The following DLG2 variants were observed in gnomAD, a reference collection of about 807,000 sequenced individuals.
DLG2 encodes disks large homolog 2.
In DLG2, 45 loss-of-function variants were observed where a neutral mutation model predicts 132.5. The observed-to-expected ratio is 0.34, with a 90% CI of 0.27 to 0.44. DLG2 has a LOEUF of 0.44. Ranked by LOEUF, DLG2 falls within the 20% of genes least tolerant of loss-of-function variation. The pLI, the probability that DLG2 is intolerant of heterozygous loss-of-function variation, is 1.00. For synonymous variants in DLG2, 424 were observed against 419.6 expected, an observed-to-expected ratio of 1.01 and a Z score of -0.13; for missense variants, 1,045 against 1,196.9, an observed-to-expected ratio of 0.87 and a Z score of 1.87.
intron 7 of DLG2, among the ~76,000 whole-genome samples, chr11:84,480,128 C>T (rs1391516368): frequency 6.6e-6 from 1 of 152,066 alleles, no homozygotes; most frequent in African/African-American, 2.4e-5. Flanking sequence ...TTTAAATAGG[C>T]CTTCATTACA....
intron 6 of DLG2, among the ~76,000 whole-genome samples, chr11:85,064,982 A>G (rs538715222): frequency 6.6e-6 from 1 of 151,782 alleles, no homozygotes; most frequent in East Asian, 2.0e-4. Flanking sequence ...CGATATAGGT[A>G]CTTTACATAA....
At chr11:83,559,842 C>T (rs577871776) in intron 19 of DLG2, among the ~76,000 whole-genome samples, 1 of 152,132 alleles carries the variant, frequency 6.6e-6, no homozygotes, top group Non-Finnish European at 1.5e-5. Flanking sequence ...AAGACAAAGA[C>T]CAAACCCTAA....
intron 6 of DLG2, among the ~76,000 whole-genome samples, chr11:84,919,294 A>G (rs1353781475): frequency 6.6e-6 from 1 of 152,194 alleles, no homozygotes; most frequent in Non-Finnish European, 1.5e-5. Flanking sequence ...CCTTTTTCAC[A>G]GATGAGAAAA....
intron 6 of DLG2, among the ~76,000 whole-genome samples, chr11:84,841,622 G>T (rs562379599): frequency 6.6e-6 from 1 of 151,944 alleles, no homozygotes; most frequent in Admixed American, 6.6e-5. Flanking sequence ...ATGAACAAAT[G>T]AATCTCATTT....
At chr11:84,823,809 A>G (rs1308982621) in intron 6 of DLG2, among the ~76,000 whole-genome samples, 1 of 151,864 alleles carries the variant, frequency 6.6e-6, no homozygotes, top group African/African-American at 2.4e-5. Context: ...CTCATAGTAG[A>G]TACTCAATGA....
Position 84,150,166 on chromosome 11 carries a change from C to T in DLG2, c.624+13295G>A, listed in dbSNP as rs564926790. 5.9e-5 allele frequency among the ~76,000 whole-genome samples: 9 copies of T among 152,258 alleles called. No homozygotes were observed. In the South Asian group the frequency reaches 1.0e-3, roughly 18 times the overall value. On this transcript the variant is annotated intron_variant, in intron 9 of 27. Transcript: ENST00000376104. Reference sequence around the variant, plus strand: ...ACTCTGGTCAGTATGGCCATTTCAACGGTATTGATTCTTCCAATCCATGAG... The same window carrying T: ...ACTCTGGTCAGTATGGCCATTTCAATGGTATTGATTCTTCCAATCCATGAG...
At chr11:84,651,843 A>G (rs2099682422) in intron 6 of DLG2, among the ~76,000 whole-genome samples, 1 of 152,210 alleles carries the variant, frequency 6.6e-6, no homozygotes, top group Admixed American at 6.5e-5. Flanking sequence ...GATCCAGTTC[A>G]GCATCAAACT....
chr11:84,192,695 A>G (rs1311452577), intron 8 of DLG2, among the ~76,000 whole-genome samples: 1 of 152,152 alleles, frequency 6.6e-6, no homozygotes, highest in African/African-American at 2.4e-5. Flanking sequence ...GCACCACTGC[A>G]CTCCAGCCTG....
intron 3 of DLG2, among the ~76,000 whole-genome samples, chr11:85,403,208 T>C (rs1321418907): frequency 2.0e-5 from 3 of 152,120 alleles, no homozygotes; most frequent in East Asian, 1.9e-4. Flanking sequence ...TGGATGAAGC[T>C]AGAAATCATC....
intron 3 of DLG2, among the ~76,000 whole-genome samples, chr11:85,528,926 A>G (rs1280451703): frequency 6.6e-6 from 1 of 152,226 alleles, no homozygotes; most frequent in Non-Finnish European, 1.5e-5. Flanking sequence ...CAAAACTAGA[A>G]ACAACTCATG....
At chr11:84,485,013 G>A (rs954407143) in intron 7 of DLG2, among the ~76,000 whole-genome samples, 3 of 152,068 alleles carry the variant, frequency 2.0e-5, no homozygotes, top group African/African-American at 7.2e-5. Context: ...GCCATGTAAG[G>A]TAAATTTAAT....
chr11:85,430,637 G>C (rs534866549), intron 3 of DLG2, among the ~76,000 whole-genome samples: 1 of 152,090 alleles, frequency 6.6e-6, no homozygotes, highest in Non-Finnish European at 1.5e-5. Context: ...ATATTTGCTT[G>C]GTAGCTCAGA....
chr11:84,605,562 G>A (rs1383574191), intron 6 of DLG2, among the ~76,000 whole-genome samples: 3 of 146,816 alleles, frequency 2.0e-5, no homozygotes, highest in Admixed American at 1.4e-4. Context: ...ATTTATGAGG[G>A]ACAATCTGTA....
At chr11:84,874,455 G>A (rs1018122717) in intron 6 of DLG2, among the ~76,000 whole-genome samples, 6 of 152,160 alleles carry the variant, frequency 3.9e-5, no homozygotes, top group Non-Finnish European at 8.8e-5. Context: ...ATTGGCCTGA[G>A]ATAAGGCTGG....
intron 4 of DLG2, among the ~76,000 whole-genome samples, chr11:85,174,884 T>G (rs1382748706): frequency 6.6e-6 from 1 of 152,142 alleles, no homozygotes; most frequent in African/African-American, 2.4e-5. Context: ...GATAAATTCC[T>G]GGACACATAC....
chr11:85,426,427 A>C (rs887701060), intron 3 of DLG2, among the ~76,000 whole-genome samples: 20 of 152,066 alleles, frequency 1.3e-4, no homozygotes, highest in African/African-American at 4.8e-4. Flanking sequence ...TCTGAGACAA[A>C]ACTTCCAGAG....
intron 6 of DLG2, among the ~76,000 whole-genome samples, chr11:85,107,812 T>C (rs2072022671): frequency 1.3e-5 from 2 of 151,522 alleles, no homozygotes; most frequent in African/African-American, 4.8e-5. Flanking sequence ...AGATATTTCA[T>C]GTATTCAGAA....
At chr11:85,181,420 G>GT (rs1206478531) in intron 4 of DLG2, among the ~76,000 whole-genome samples, 3 of 151,362 alleles carry the variant, frequency 2.0e-5, no homozygotes, top group Non-Finnish European at 4.4e-5. Context: ...TGGAGATGGA[G>GT]TTTTTTTTAA....
chr11:85,582,942 G>T (rs1212596645), intron 3 of DLG2, among the ~76,000 whole-genome samples: 1 of 147,214 alleles, frequency 6.8e-6, no homozygotes, highest in Non-Finnish European at 1.5e-5. Context: ...ATATATTCCT[G>T]CAAAGAGAGT....
Sources: gnomAD v4.1 joint callset for allele counts (sites outside exome capture counted in the v4.1 genomes callset) on GRCh38, gnomAD v4.1.1 for gene constraint, MANE v1.5 for transcripts, NCBI Gene and HGNC (gene_info 2026-07-23, HGNC 2026-07-21) for gene names.